Variants in CAST observed in about 807,000 individuals in gnomAD.
CAST encodes the protein MIR583 host.
A neutral mutation model predicts 119.6 loss-of-function variants in CAST; 76 were observed. The ratio of observed to expected loss-of-function variants is 0.64; its 90% CI spans 0.53 to 0.77. The LOEUF (loss-of-function observed/expected upper bound fraction) is 0.77. CAST is among the 30% of genes least tolerant of loss of function. The pLI is 0.00. For missense variants in CAST, 953 were observed against 946.5 expected, an observed-to-expected ratio of 1.01 and a Z score of -0.09; for synonymous variants, 319 against 331.6, an observed-to-expected ratio of 0.96 and a Z score of 0.41.
chr5:96,493,918 A>G, the CAST span, among the ~76,000 whole-genome samples: 1 of 152,110 alleles, frequency 6.6e-6, no homozygotes, highest in Non-Finnish European at 1.5e-5. Flanking sequence ...ACCTGTAATC[A>G]CAGTTACTTG....
chr5:96,115,833 G>A, the CAST span, among the ~76,000 whole-genome samples: 1 of 151,872 alleles, frequency 6.6e-6, no homozygotes, highest in African/African-American at 2.4e-5. Context: ...AATCTGTTAC[G>A]AAATTGTGAA....
the CAST span, among the ~76,000 whole-genome samples, chr5:96,384,184 A>G: frequency 6.6e-6 from 1 of 152,176 alleles, no homozygotes; most frequent in East Asian, 1.9e-4. Flanking sequence ...AATCCTCCCC[A>G]GCATTCCTTT....
chr5:96,214,417 A>C, the CAST span, among the ~76,000 whole-genome samples: 1 of 152,210 alleles, frequency 6.6e-6, no homozygotes, highest in Non-Finnish European at 1.5e-5. Context: ...GAAATACTTC[A>C]TGTCAGTATT....
At chr5:96,690,313 C>T (rs189989775) in intron 2 of CAST, among the ~76,000 whole-genome samples, 23 of 152,190 alleles carry the variant, frequency 1.5e-4, no homozygotes, top group Admixed American at 1.3e-3. Context: ...CTCACTGCAA[C>T]CTCCATCTCC....
the CAST span, chr5:96,213,701 G>T: frequency 6.6e-6 from 1 of 152,114 alleles, no homozygotes; most frequent in Non-Finnish European, 1.5e-5. Context: ...CAACGTGGGG[G>T]AATCTCTTGA....
At chr5:96,432,679 C>T in the CAST span, among the ~76,000 whole-genome samples, 2 of 152,176 alleles carry the variant, frequency 1.3e-5, no homozygotes, top group Non-Finnish European at 2.9e-5. Flanking sequence ...CCAGCCTAAA[C>T]AGTAAATAAT....
chr5:96,409,970 G>A, the CAST span, among the ~76,000 whole-genome samples: 1 of 152,100 alleles, frequency 6.6e-6, no homozygotes, highest in Non-Finnish European at 1.5e-5. Flanking sequence ...TTATTATAGG[G>A]TTCACCCACC....
At chr5:96,461,092 C>T in the CAST span, among the ~76,000 whole-genome samples, 1 of 152,162 alleles carries the variant, frequency 6.6e-6, no homozygotes, top group Non-Finnish European at 1.5e-5. Flanking sequence ...GGAGATACTC[C>T]ACACAAATGG....
chr5:96,588,023 T>C (rs1043047944), intron 1 of CAST, among the ~76,000 whole-genome samples: 1 of 152,132 alleles, frequency 6.6e-6, no homozygotes, highest in Non-Finnish European at 1.5e-5. Context: ...GTATAGAGTT[T>C]TGTTCCATGA....
chr5:96,109,470 C>A, the CAST span, among the ~76,000 whole-genome samples: 1 of 152,146 alleles, frequency 6.6e-6, no homozygotes, highest in Admixed American at 6.5e-5. Flanking sequence ...GTTGATGAGG[C>A]TTTGAGACTC....
chr5:96,446,705 G>A, the CAST span, among the ~76,000 whole-genome samples: 158 of 152,272 alleles, frequency 1.0e-3, no homozygotes, highest in Middle Eastern at 6.8e-3. Context: ...AAGAAGCCCA[G>A]CCCAAAGGAA....
At chr5:96,668,765 A>AT (rs1358483855) in intron 1 of CAST, among the ~76,000 whole-genome samples, 5 of 151,958 alleles carry the variant, frequency 3.3e-5, no homozygotes, top group African/African-American at 1.2e-4. Flanking sequence ...GACTCTGAGT[A>AT]TTTAAAACAA....
At chr5:96,426,096 C>T in the CAST span, among the ~76,000 whole-genome samples, 2 of 152,178 alleles carry the variant, frequency 1.3e-5, no homozygotes, top group African/African-American at 4.8e-5. Flanking sequence ...GGATTGCCCA[C>T]TGGGGAGATG....
At position 96,740,044 on chromosome 5, in the gene CAST, A is replaced by G. The variant is rs146557171; in HGVS notation, c.805A>G (p.Met269Val). The G allele has an allele frequency of 4.0e-5, 62 of 1,547,762 alleles. No individual in the cohort carries two copies. The highest frequency in any genetic ancestry group is 4.0e-4 in the African/African-American group (29 of 73,300). ...TYTGPEVSDP[M>V]SSTYIEELGK... ...GTGTATGATTTTGTTCCAGGATCCA[A>G]TGAGTTCCACCTACATAGAGGAATT... The change falls in exon 12 of 32, where the codon ATG becomes GTG. Residue 269 changes from methionine to valine, a missense_variant. Met to Val is a conservative substitution (Grantham distance 21). Transcript: ENST00000675179.
chr5:96,573,456 C>T (rs1440481370), intron 1 of CAST, among the ~76,000 whole-genome samples: 1 of 151,984 alleles, frequency 6.6e-6, no homozygotes, highest in Non-Finnish European at 1.5e-5. Context: ...CATAGTAAGA[C>T]CTCGTCTCTA....
chr5:96,127,826 G>A, the CAST span, among the ~76,000 whole-genome samples: 274 of 152,134 alleles, frequency 1.8e-3, 1 homozygote, highest in African/African-American at 6.3e-3. Context: ...GCTTAAAGTC[G>A]ATTTGTGATA....
the CAST span, among the ~76,000 whole-genome samples, chr5:96,406,992 GA>G: frequency 9.3e-4 from 140 of 150,672 alleles, no homozygotes; most frequent in African/African-American, 3.2e-3. Flanking sequence ...GTAATTATGA[GA>G]AAAAAAAAGT....
At chr5:96,345,976 C>T in the CAST span, among the ~76,000 whole-genome samples, 2 of 152,130 alleles carry the variant, frequency 1.3e-5, no homozygotes, top group African/African-American at 4.8e-5. Context: ...GGGAGGATTA[C>T]ACAACAGTGT....
chr5:96,599,578 A>G (rs1245419189), intron 1 of CAST, among the ~76,000 whole-genome samples: 1 of 152,140 alleles, frequency 6.6e-6, no homozygotes, highest in Non-Finnish European at 1.5e-5. Flanking sequence ...TCAGGCCATC[A>G]TGAATGCCAC....
Sources: gnomAD v4.1 joint callset for allele counts (sites outside exome capture counted in the v4.1 genomes callset) on GRCh38, gnomAD v4.1.1 for gene constraint, MANE v1.5 for transcripts, NCBI Gene and HGNC (gene_info 2026-07-23, HGNC 2026-07-21) for gene names.